PJA2: variants seen among roughly 807,000 people sequenced by gnomAD.
PJA2 encodes the protein E3 ubiquitin-protein ligase Praja-2.
A neutral mutation model predicts 69.3 loss-of-function variants in PJA2; 25 were observed. That is an observed-to-expected ratio of 0.36 (90% CI 0.26 to 0.50). The LOEUF is 0.50. Among genes scored for constraint, PJA2 ranks in the 20% least tolerant of loss-of-function variants. The probability of loss-of-function intolerance (pLI) is 0.96; values close to 1 mark genes in which losing one functional copy is unlikely to be tolerated. For synonymous variants in PJA2, 308 were observed against 277.8 expected, an observed-to-expected ratio of 1.11 and a Z score of -1.08; for missense variants, 809 against 830.2, an observed-to-expected ratio of 0.97 and a Z score of 0.31.
chr5:109,405,416 C>A (rs74487408), intron 1 of PJA2, among the ~76,000 whole-genome samples: 1 of 152,120 alleles, frequency 6.6e-6, no homozygotes, highest in South Asian at 2.1e-4. Flanking sequence ...GAAACCAACA[C>A]GCAGCCTCTA....
chr5:109,375,062 A>C (rs1472690103), intron 4 of PJA2, among the ~76,000 whole-genome samples: 4 of 152,202 alleles, frequency 2.6e-5, no homozygotes, highest in Non-Finnish European at 5.9e-5. Flanking sequence ...TACTGGCTGC[A>C]ATGTTTATCC....
chr5:109,342,875 A>G (rs1360076990), intron 9 of PJA2, among the ~76,000 whole-genome samples: 1 of 2,530 alleles, frequency 4.0e-4, no homozygotes, highest in African/African-American at 1.1e-3. Context: ...TCCGGGAGGG[A>G]GGTGGGGGGG....
chr5:109,342,840 G>A (rs768109408), intron 9 of PJA2, among the ~76,000 whole-genome samples: 4,799 of 27,742 alleles, frequency 0.17, 66 homozygotes, highest in Non-Finnish European at 0.29. Flanking sequence ...TGGGGGGTCA[G>A]CCCCCCGCCC....
intron 7 of PJA2, among the ~76,000 whole-genome samples, chr5:109,348,056 G>A (rs1762196607): frequency 1.3e-5 from 2 of 152,148 alleles, no homozygotes; most frequent in African/African-American, 4.8e-5. Context: ...AGAATGGGAT[G>A]CTATTAATCC....
At chr5:109,338,023 A>G (rs1761977987) in intron 9 of PJA2, among the ~76,000 whole-genome samples, 1 of 152,130 alleles carries the variant, frequency 6.6e-6, no homozygotes, top group Non-Finnish European at 1.5e-5. Flanking sequence ...GGGAAGGAGA[A>G]AGCAGTTATA....
At chr5:109,406,752 C>A (rs1747701063) in intron 1 of PJA2, among the ~76,000 whole-genome samples, 1 of 152,134 alleles carries the variant, frequency 6.6e-6, no homozygotes, top group Admixed American at 6.5e-5. Context: ...CAAATGAAGG[C>A]TATTTATTAA....
intron 7 of PJA2, among the ~76,000 whole-genome samples, chr5:109,353,861 T>A (rs1419731336): frequency 1.8e-4 from 8 of 43,966 alleles, no homozygotes; most frequent in Non-Finnish European, 2.9e-4. Flanking sequence ...ATGTCTATGA[T>A]ATCTAGAGAT....
chr5:109,354,089 T>C (rs573036438), intron 7 of PJA2, among the ~76,000 whole-genome samples: 1 of 51,514 alleles, frequency 1.9e-5, no homozygotes, highest in African/African-American at 5.8e-5. Flanking sequence ...ATTAGATATC[T>C]ATATCTAGAG....
At chr5:109,407,215 A>G (rs988785232) in intron 1 of PJA2, among the ~76,000 whole-genome samples, 4 of 152,208 alleles carry the variant, frequency 2.6e-5, no homozygotes, top group Non-Finnish European at 5.9e-5. Context: ...GTTATCCTCA[A>G]TAAGGTTGAT....
intron 4 of PJA2, among the ~76,000 whole-genome samples, chr5:109,372,518 G>A (rs983692787): frequency 1.4e-4 from 21 of 152,200 alleles, no homozygotes; most frequent in African/African-American, 4.3e-4. Flanking sequence ...CTTTAACATT[G>A]CAATTATTTT....
intron 1 of PJA2, among the ~76,000 whole-genome samples, chr5:109,401,215 T>G (rs1476715824): frequency 6.7e-6 from 1 of 148,360 alleles, no homozygotes; most frequent in South Asian, 2.2e-4. Flanking sequence ...ACCCGGGAGG[T>G]AGAGGTTGCA....
intron 7 of PJA2, among the ~76,000 whole-genome samples, chr5:109,354,877 G>A (rs1762386425): frequency 6.6e-6 from 1 of 151,782 alleles, no homozygotes; most frequent in Non-Finnish European, 1.5e-5. Context: ...TGCCATGGGA[G>A]GCCAGAGTGG....
intron 9 of PJA2, among the ~76,000 whole-genome samples, chr5:109,340,248 A>T (rs1762018188): frequency 6.6e-6 from 1 of 152,214 alleles, no homozygotes; most frequent in South Asian, 2.1e-4. Context: ...CCTGACAGGC[A>T]CTATGGGTTA....
At chr5:109,359,634 T>G (rs1762477766) in intron 6 of PJA2, among the ~76,000 whole-genome samples, 2 of 152,160 alleles carry the variant, frequency 1.3e-5, no homozygotes, top group African/African-American at 4.8e-5. Flanking sequence ...GACCTGTACT[T>G]TTTAAAAATG....
At chr5:109,360,081 T>A (rs1762483609) in intron 6 of PJA2, among the ~76,000 whole-genome samples, 1 of 152,208 alleles carries the variant, frequency 6.6e-6, no homozygotes, top group Admixed American at 6.5e-5. Context: ...TTTGTACTAT[T>A]TTTGCCATTT....
At chr5:109,389,904 A>ATTT (rs56405345) in intron 1 of PJA2, among the ~76,000 whole-genome samples, 5 of 143,542 alleles carry the variant, frequency 3.5e-5, no homozygotes, top group African/African-American at 1.3e-4. Context: ...TTTGCAGTCT[A>ATTT]TTTTTTTTTT....
rs1762137298 is a variant in PJA2 at position 109,344,275 on chromosome 5, C to T, written c.1916G>A (p.Ser639Asn). ...TGCTATATCATCCTTAATATACTCA[C>T]TGCAACAGATTGGACAGCATTGTTC... ...GQEQCCPICC[S>N]EYIKDDIATE... Residue 639 changes from serine to asparagine, a missense_variant, in exon 9 of 10, where the codon AGT becomes AAT. Physicochemically the swap from Ser to Asn is conservative, Grantham distance 46. Around this residue, in one of 4 missense-constraint regions of PJA2, gnomAD observed 19 missense variants for 62.9 expected, o/e 0.30. Coordinates refer to ENST00000361189, the MANE Select transcript of PJA2 (RefSeq NM_014819.5). 1 of 1,610,236 alleles carries T rather than the reference C, an allele frequency of 6.2e-7. No individual in the cohort carries two copies. The highest frequency in any genetic ancestry group is 2.2e-5 in the East Asian group (1 of 44,774).
chr5:109,344,833 G>C lies in PJA2; in HGVS notation c.1765-14C>G. 6.5e-7 allele frequency: 1 copy of C among 1,535,094 alleles called. No homozygotes were observed. Among genetic ancestry groups the C allele is most frequent in the South Asian group, 1.2e-5 (1 of 85,382 alleles). ...GGCCAGAGCAGTCTGAAAAACAAAAGGTACAGTTCTTTGTTAGAAATACTT... is the reference window on the plus strand; with the variant it reads ...GGCCAGAGCAGTCTGAAAAACAAAACGTACAGTTCTTTGTTAGAAATACTT... On this transcript the variant is annotated splice_polypyrimidine_tract_variant and intron_variant, in intron 7 of 9. Coordinates refer to ENST00000361189, the MANE Select transcript of PJA2 (RefSeq NM_014819.5).
At chr5:109,370,032 CA>C (rs1168528650) in intron 4 of PJA2, among the ~76,000 whole-genome samples, 4,006 of 49,106 alleles carry the variant, frequency 0.082, 42 homozygotes, top group African/African-American at 0.17. Flanking sequence ...AACTCCCTCT[CA>C]AAAAAAAAAA....
Sources: allele counts gnomAD v4.1 joint callset (sites outside exome capture counted in the v4.1 genomes callset), GRCh38; gene constraint gnomAD v4.1.1; regional missense constraint gnomAD v4.1.1; transcripts MANE v1.5; gene names NCBI Gene and HGNC (gene_info 2026-07-23, HGNC 2026-07-21).